Variants in TENT4B observed in about 807,000 individuals in gnomAD.
TENT4B encodes PAP associated domain containing 5.
A neutral mutation model predicts 75.0 loss-of-function variants in TENT4B; 10 were observed. The ratio of observed to expected loss-of-function variants is 0.13; its 90% CI spans 0.08 to 0.23. The LOEUF (loss-of-function observed/expected upper bound fraction) is 0.23. Among genes scored for constraint, TENT4B ranks in the 10% least tolerant of loss-of-function variants. TENT4B has a pLI of 1.00. For synonymous variants in TENT4B, 350 were observed against 357.7 expected (o/e 0.98, Z 0.24); for missense variants, 579 against 893.8 (o/e 0.65, Z 4.49).
chr16:50,194,318 C>T (rs936755414), intron 1 of TENT4B, among the ~76,000 whole-genome samples: 19 of 150,566 alleles, frequency 1.3e-4, no homozygotes, highest in South Asian at 4.2e-4. Context: ...CGGGTTCAAG[C>T]GATTCTCCCA....
intron 1 of TENT4B, among the ~76,000 whole-genome samples, chr16:50,201,663 C>T (rs1007152295): frequency 1.1e-4 from 16 of 151,490 alleles, no homozygotes; most frequent in Non-Finnish European, 2.2e-4. Context: ...GCGAACATGG[C>T]GAAACCCCAT....
intron 1 of TENT4B, among the ~76,000 whole-genome samples, chr16:50,154,509 C>G (rs1404125378): frequency 6.6e-6 from 1 of 151,938 alleles, no homozygotes; most frequent in African/African-American, 2.4e-5. Flanking sequence ...TCCCCTCCCT[C>G]TTAACCGTCC....
At chr16:50,160,384 T>C (rs2037981321) in intron 1 of TENT4B, among the ~76,000 whole-genome samples, 1 of 152,150 alleles carries the variant, frequency 6.6e-6, no homozygotes, top group South Asian at 2.1e-4. Flanking sequence ...GTGAGTGACT[T>C]TTTGGAGTCT....
chr16:50,156,345 A>AT (rs11346495), intron 1 of TENT4B, among the ~76,000 whole-genome samples: 23 of 141,470 alleles, frequency 1.6e-4, no homozygotes, highest in African/African-American at 5.2e-4. Context: ...ATGTATTCTG[A>AT]TTTTTTTTTT....
chr16:50,206,525 A>T (rs999051056), intron 1 of TENT4B, among the ~76,000 whole-genome samples: 10 of 152,184 alleles, frequency 6.6e-5, no homozygotes, highest in Middle Eastern at 3.4e-3. Context: ...GAACTGGGAA[A>T]GCTGGACCTT....
intron 5 of TENT4B, among the ~76,000 whole-genome samples, chr16:50,219,291 TTTAAAA>T (rs1466442664): frequency 6.6e-6 from 1 of 152,242 alleles, no homozygotes; most frequent in Non-Finnish European, 1.5e-5. Context: ...TTTTATGTTC[TTTAAAA>T]TTATAAGCAA....
chr16:50,219,086 T>C (rs1255544194), intron 5 of TENT4B, among the ~76,000 whole-genome samples: 2 of 152,178 alleles, frequency 1.3e-5, no homozygotes, highest in East Asian at 1.9e-4. Context: ...AATCGCACTA[T>C]ATTGGGGGTG....
At chr16:50,191,900 CAA>C (rs899514024) in intron 1 of TENT4B, among the ~76,000 whole-genome samples, 3 of 151,624 alleles carry the variant, frequency 2.0e-5, no homozygotes, top group African/African-American at 7.3e-5. Flanking sequence ...GCCTGGGCAA[CAA>C]GAGCAAAACT....
chr16:50,176,719 C>T (rs543538471), intron 1 of TENT4B, among the ~76,000 whole-genome samples: 182 of 151,912 alleles, frequency 1.2e-3, no homozygotes, highest in African/African-American at 4.2e-3. Flanking sequence ...ATTGGCCAGG[C>T]TGGTCTCAAA....
Position 50,155,207 on chromosome 16 carries a change from T to C in TENT4B, c.638+948T>C, listed in dbSNP as rs138851871. ...CCAACTAGATCTCCCTTCAGAAGAG[T>C]CCCTGTGCTGGAATAGGTCACTGAA... On this transcript the variant is annotated intron_variant, in intron 1 of 11. Coordinates refer to ENST00000561678, the MANE Select transcript of TENT4B (RefSeq NM_001365324.3). Among the ~76,000 whole-genome samples the C allele has an allele frequency of 4.2e-3, 642 of 151,520 alleles. 4 individuals carry two copies. Among genetic ancestry groups the C allele is most frequent in the African/African-American group, 0.015 (621 of 41,218 alleles).
At chr16:50,171,966 C>G (rs1021749007) in intron 1 of TENT4B, among the ~76,000 whole-genome samples, 1 of 151,622 alleles carries the variant, frequency 6.6e-6, no homozygotes, top group African/African-American at 2.4e-5. Flanking sequence ...AGTGAGCCAA[C>G]GGGGTGGAGG....
rs749044496 is a variant in TENT4B at position 50,174,444 on chromosome 16, C to G, written c.638+20185C>G. On this transcript the variant is annotated intron_variant, in intron 1 of 11. Transcript: ENST00000561678. ...CTTTGTATATGTGTATTTTTTGATT[C>G]TTTTAAAATTAATACTTAATAAAAT... Among the ~76,000 whole-genome samples the G allele has an allele frequency of 5.3e-5, 8 of 151,992 alleles. No homozygotes were observed. In the South Asian group the frequency reaches 6.2e-4, roughly 12 times the overall value.
chr16:50,153,537 C>G lies in TENT4B; in HGVS notation c.-85C>G. On this transcript the variant is annotated 5_prime_UTR_variant, in exon 1 of 12. Coordinates refer to ENST00000561678, the MANE Select transcript of TENT4B (RefSeq NM_001365324.3). ...CAGCAGCGGCAGCAGCAGCAGCAGCCGAGGCCGGGCGTGCGCCTGAGGCGG... is the reference window on the plus strand; with the variant it reads ...CAGCAGCGGCAGCAGCAGCAGCAGCGGAGGCCGGGCGTGCGCCTGAGGCGG... 1 of 971,512 alleles carries G rather than the reference C, an allele frequency of 1.0e-6. No homozygotes were observed. Among genetic ancestry groups the G allele is most frequent in the Non-Finnish European group, 1.2e-6 (1 of 825,164 alleles). 60.2% of individuals were successfully genotyped at this position (971,512 alleles called of 1,614,324 possible).
chr16:50,167,823 A>G (rs1363866032), intron 1 of TENT4B, among the ~76,000 whole-genome samples: 1 of 151,960 alleles, frequency 6.6e-6, no homozygotes, highest in Non-Finnish European at 1.5e-5. Context: ...AGCCTGGCTA[A>G]TTTTTGTATT....
chr16:50,212,767 T>G (rs775001240), intron 2 of TENT4B, among the ~76,000 whole-genome samples: 12 of 152,182 alleles, frequency 7.9e-5, no homozygotes, highest in Non-Finnish European at 1.8e-4. Flanking sequence ...TTGTCCTGAC[T>G]GGGTACGCAC....
At chr16:50,208,959 G>A (rs922861043) in intron 1 of TENT4B, among the ~76,000 whole-genome samples, 1 of 152,134 alleles carries the variant, frequency 6.6e-6, no homozygotes, top group Non-Finnish European at 1.5e-5. Flanking sequence ...TCCAACTCCT[G>A]GCCTCAGGCG....
At chr16:50,212,086 G>C (rs1276618542) in intron 2 of TENT4B, among the ~76,000 whole-genome samples, 4 of 151,966 alleles carry the variant, frequency 2.6e-5, no homozygotes, top group Admixed American at 2.0e-4. Context: ...TTTGAGATGG[G>C]GTCTCACTCT....
intron 1 of TENT4B, among the ~76,000 whole-genome samples, chr16:50,182,233 C>T (rs1347706399): frequency 2.0e-5 from 3 of 151,916 alleles, no homozygotes; most frequent in African/African-American, 4.8e-5. Flanking sequence ...CACTACAGCC[C>T]GGGCAACAGA....
intron 1 of TENT4B, among the ~76,000 whole-genome samples, chr16:50,154,729 G>C (rs1330921562): frequency 2.6e-5 from 4 of 152,024 alleles, no homozygotes; most frequent in African/African-American, 9.7e-5. Context: ...GCAGGACCCG[G>C]AGGTGCTTTC....
Sources: allele counts gnomAD v4.1 joint callset (sites outside exome capture counted in the v4.1 genomes callset), GRCh38; gene constraint gnomAD v4.1.1; transcripts MANE v1.5; gene names NCBI Gene and HGNC (gene_info 2026-07-23, HGNC 2026-07-21).